Variants in ALG6 observed in about 807,000 individuals in gnomAD.
ALG6 encodes ALG6 alpha-1,3-glucosyltransferase.
A neutral mutation model predicts 66.6 loss-of-function variants in ALG6; 46 were observed. The observed-to-expected ratio is 0.69, with a 90% confidence interval of 0.55 to 0.88. The LOEUF (loss-of-function observed/expected upper bound fraction) is 0.88, where lower values mean the gene tolerates loss of function less well. Among genes scored for constraint, ALG6 ranks in the 40% least tolerant of loss-of-function variants. The pLI is 0.00. For synonymous variants in ALG6, 185 were observed against 203.7 expected (o/e 0.91, Z 0.78); for missense variants, 505 against 586.8 (o/e 0.86, Z 1.44).
chr1:63,414,208 T>G, intron 10 of ALG6, 62 bp downstream of exon 10: 1 of 1,208,054 alleles, frequency 8.3e-7, no homozygotes, highest in Non-Finnish European at 1.2e-6. Context: ...CATTATGGTA[T>G]TATTTCATTT....
At chr1:63,372,662 A>G (rs1191657980) in intron 2 of ALG6, among the ~76,000 whole-genome samples, 3 of 152,070 alleles carry the variant, frequency 2.0e-5, no homozygotes, top group Admixed American at 6.6e-5. Context: ...GTGTCTGTGT[A>G]TATCGTAGCT....
At chr1:63,402,152 A>T in intron 3 of ALG6, 102 bp from the exon 4 acceptor site, 1 of 781,386 alleles carries the variant, frequency 1.3e-6, no homozygotes, top group Non-Finnish European at 2.2e-6. Context: ...TTAGTAAATT[A>T]CATTATTAAG....
At chr1:63,407,524 CAGAT>C (rs1165343805) in intron 7 of ALG6, among the ~76,000 whole-genome samples, 1 of 151,874 alleles carries the variant, frequency 6.6e-6, no homozygotes, top group Non-Finnish European at 1.5e-5. Flanking sequence ...TTTTTTCTAT[CAGAT>C]AGTAGTAGCT....
chr1:63,414,254 T>TA, intron 10 of ALG6, 108 bp downstream of exon 10: 2 of 869,164 alleles, frequency 2.3e-6, no homozygotes, highest in South Asian at 1.5e-5. Flanking sequence ...GTTTTTCTTT[T>TA]CTTTTTTTTT....
At chr1:63,377,111 G>A (rs1008918272) in intron 2 of ALG6, among the ~76,000 whole-genome samples, 16 of 151,974 alleles carry the variant, frequency 1.1e-4, no homozygotes, top group African/African-American at 3.1e-4. Flanking sequence ...ACAGGCGTGC[G>A]CTGCCACACC....
intron 14 of ALG6, among the ~76,000 whole-genome samples, chr1:63,436,195 G>C (rs766454628): frequency 6.6e-6 from 1 of 152,000 alleles, no homozygotes; most frequent in Non-Finnish European, 1.5e-5. Flanking sequence ...ATATATTTTG[G>C]GGGTATATGT....
At chr1:63,393,817 G>T (rs549912830) in intron 2 of ALG6, among the ~76,000 whole-genome samples, 3 of 152,260 alleles carry the variant, frequency 2.0e-5, no homozygotes, top group Non-Finnish European at 4.4e-5. Context: ...GAACTTAAAC[G>T]TCCTTGCTGT....
chr1:63,417,463 G>C (rs905025169), intron 11 of ALG6, among the ~76,000 whole-genome samples: 2 of 151,978 alleles, frequency 1.3e-5, no homozygotes, highest in African/African-American at 4.8e-5. Context: ...TTGTTATTTT[G>C]TTTTTGTTAA....
At chr1:63,404,708 T>C (rs1644481969) in intron 5 of ALG6, among the ~76,000 whole-genome samples, 167 bp downstream of exon 5, 1 of 152,172 alleles carries the variant, frequency 6.6e-6, no homozygotes, top group African/African-American at 2.4e-5. Flanking sequence ...ACCAAATGTA[T>C]ATGTAAGCTA....
At chr1:63,415,352 C>G (rs960573962) in intron 10 of ALG6, among the ~76,000 whole-genome samples, 1 of 152,160 alleles carries the variant, frequency 6.6e-6, no homozygotes, top group Non-Finnish European at 1.5e-5. Context: ...CACCCATTAG[C>G]CATCATTAGG....
chr1:63,382,802 A>T (rs1413752535), intron 2 of ALG6, among the ~76,000 whole-genome samples: 1 of 150,856 alleles, frequency 6.6e-6, no homozygotes, highest in East Asian at 2.0e-4. Context: ...CAGCCTCCCG[A>T]GTAGCTGGGA....
chr1:63,372,908 T>C (rs1350276061), intron 2 of ALG6, among the ~76,000 whole-genome samples: 2 of 151,850 alleles, frequency 1.3e-5, no homozygotes, highest in African/African-American at 4.8e-5. Context: ...TCTGCCTGCC[T>C]CGGCCTCCTG....
chr1:63,425,365 A>G (rs1644609814), intron 12 of ALG6, among the ~76,000 whole-genome samples: 1 of 152,174 alleles, frequency 6.6e-6, no homozygotes, highest in Non-Finnish European at 1.5e-5. Context: ...ATGTGTGAAG[A>G]GTTCCTCTTT....
At chr1:63,435,035 A>C (rs1306204881) in intron 14 of ALG6, among the ~76,000 whole-genome samples, 3 of 152,202 alleles carry the variant, frequency 2.0e-5, no homozygotes, top group African/African-American at 7.2e-5. Flanking sequence ...AGAACTGACC[A>C]TGGGATTTAC....
chr1:63,389,298 T>TA (rs1267944964), intron 2 of ALG6, among the ~76,000 whole-genome samples: 1 of 152,178 alleles, frequency 6.6e-6, no homozygotes, highest in African/African-American at 2.4e-5. Flanking sequence ...CCACTGACTG[T>TA]GTATTTTCAA....
rs572000532 is a variant in ALG6, at chr1:63,437,112, A to G, written c.*92A>G. 106 of 1,149,170 alleles carry G rather than the reference A, an allele frequency of 9.2e-5. No individual in the cohort carries two copies. The Admixed American group carries it at 2.1e-3, about 23-fold the overall frequency. 71.2% of individuals were successfully genotyped at this position (1,149,170 alleles called of 1,614,324 possible). A position where few individuals can be genotyped will look rare whatever the true frequency, so the allele number is the denominator to read the frequency against. On this transcript the variant is annotated 3_prime_UTR_variant, in exon 15 of 15. Transcript: ENST00000263440. The stretch of plus-strand genomic sequence containing the variant: ...GAACTTTTTGCTATGTATAAATGAA[A>G]TTACCATTTTGAGAACCATGGAACC...
intron 12 of ALG6, among the ~76,000 whole-genome samples, chr1:63,422,726 C>A (rs925242741): frequency 2.0e-5 from 3 of 151,506 alleles, no homozygotes; most frequent in Non-Finnish European, 2.9e-5. Flanking sequence ...GAGGCCCAGG[C>A]GGGTGGATCA....
intron 10 of ALG6, among the ~76,000 whole-genome samples, chr1:63,414,634 G>A (rs1644533359): frequency 6.6e-6 from 1 of 152,162 alleles, no homozygotes; most frequent in Non-Finnish European, 1.5e-5. Context: ...TATTTTATGT[G>A]AAAATTTCTG....
chr1:63,368,190 G>C (rs1206830854), intron 1 of ALG6, among the ~76,000 whole-genome samples: 1 of 152,156 alleles, frequency 6.6e-6, no homozygotes, highest in Non-Finnish European at 1.5e-5. Flanking sequence ...CCAGTGGATG[G>C]GTTAGAAAAT....
Sources: gnomAD v4.1 joint callset for allele counts (sites outside exome capture counted in the v4.1 genomes callset) on GRCh38, gnomAD v4.1.1 for gene constraint, MANE v1.5 for transcripts, NCBI Gene and HGNC (gene_info 2026-07-23, HGNC 2026-07-21) for gene names.